Variants in PDGFC observed in about 807,000 individuals in gnomAD.
PDGFC encodes platelet-derived growth factor C.
A neutral mutation model predicts 35.5 loss-of-function variants in PDGFC; 12 were observed. That is an observed-to-expected ratio of 0.34 (90% CI 0.22 to 0.55). PDGFC has a LOEUF of 0.55. Among genes scored for constraint, PDGFC ranks in the 20% least tolerant of loss-of-function variants. The probability of loss-of-function intolerance (pLI) is 0.91; values close to 1 mark genes in which losing one functional copy is unlikely to be tolerated. For synonymous variants in PDGFC, 159 were observed against 148.8 expected (o/e 1.07, Z -0.50); for missense variants, 322 against 412.4 (o/e 0.78, Z 1.90).
intron 4 of PDGFC, among the ~76,000 whole-genome samples, chr4:156,771,861 G>C (rs1363322781): frequency 6.6e-6 from 1 of 152,090 alleles, no homozygotes; most frequent in Non-Finnish European, 1.5e-5. Context: ...CAGATATTTT[G>C]AGTGCATTGT....
chr4:156,855,201 G>T (rs1729544949), intron 1 of PDGFC, among the ~76,000 whole-genome samples: 1 of 151,922 alleles, frequency 6.6e-6, no homozygotes, highest in South Asian at 2.1e-4. Flanking sequence ...ACATACTCTT[G>T]GTTCCTTTAA....
intron 1 of PDGFC, among the ~76,000 whole-genome samples, chr4:156,856,974 C>T (rs1016413133): frequency 1.3e-5 from 2 of 151,806 alleles, no homozygotes; most frequent in Non-Finnish European, 2.9e-5. Flanking sequence ...TGTACCACAC[C>T]TTGGGAATGC....
intron 1 of PDGFC, among the ~76,000 whole-genome samples, chr4:156,858,510 A>G (rs1426238866): frequency 6.6e-6 from 1 of 152,074 alleles, no homozygotes; most frequent in Non-Finnish European, 1.5e-5. Flanking sequence ...CAATACTATA[A>G]GTTTTTTACT....
chr4:156,876,256 C>A (rs965367727), intron 1 of PDGFC, among the ~76,000 whole-genome samples: 3 of 152,060 alleles, frequency 2.0e-5, no homozygotes, highest in Admixed American at 2.0e-4. Flanking sequence ...TCAAGGTTCT[C>A]CTTAAAGAAA....
At chr4:156,872,941 G>A (rs1156686593) in intron 1 of PDGFC, among the ~76,000 whole-genome samples, 1 of 152,076 alleles carries the variant, frequency 6.6e-6, no homozygotes, top group Non-Finnish European at 1.5e-5. Context: ...ACCAGTCTGG[G>A]CAACACAGTG....
At chr4:156,818,738 G>A (rs1475936764) in intron 2 of PDGFC, among the ~76,000 whole-genome samples, 4 of 151,922 alleles carry the variant, frequency 2.6e-5, no homozygotes, top group African/African-American at 7.2e-5. Flanking sequence ...TCCTGACCTC[G>A]TGATCCGCCC....
intron 1 of PDGFC, among the ~76,000 whole-genome samples, chr4:156,942,567 C>T (rs1475215946): frequency 6.6e-6 from 1 of 151,420 alleles, no homozygotes; most frequent in East Asian, 1.9e-4. Flanking sequence ...TTCTTAGTAA[C>T]TTACAGGCTA....
chr4:156,814,056 T>G (rs1196346888), intron 2 of PDGFC, among the ~76,000 whole-genome samples: 1 of 152,118 alleles, frequency 6.6e-6, no homozygotes, highest in Non-Finnish European at 1.5e-5. Flanking sequence ...AGGCTGGGAC[T>G]AAATGAAAAA....
chr4:156,870,569 T>G (rs2111141328), intron 1 of PDGFC, among the ~76,000 whole-genome samples: 1 of 152,266 alleles, frequency 6.6e-6, no homozygotes, highest in Admixed American at 6.5e-5. Flanking sequence ...TGTATTTAAA[T>G]GGATCTTCTC....
intron 1 of PDGFC, among the ~76,000 whole-genome samples, chr4:156,944,935 C>T (rs548487485): frequency 2.0e-5 from 3 of 151,884 alleles, no homozygotes; most frequent in African/African-American, 7.3e-5. Flanking sequence ...AGGGCATTTG[C>T]CTCTCCCCTT....
At chr4:156,845,875 T>C (rs1332004988) in intron 2 of PDGFC, among the ~76,000 whole-genome samples, 1 of 151,840 alleles carries the variant, frequency 6.6e-6, no homozygotes, top group African/African-American at 2.4e-5. Context: ...GAGCCAAAAT[T>C]TGTTTCTTTG....
intron 3 of PDGFC, among the ~76,000 whole-genome samples, chr4:156,807,853 T>C (rs1255096013): frequency 6.6e-6 from 1 of 152,062 alleles, no homozygotes; most frequent in East Asian, 1.9e-4. Flanking sequence ...TGTATAGTAA[T>C]GCATGCAAAA....
At chr4:156,820,647 T>C (rs1732225916) in intron 2 of PDGFC, among the ~76,000 whole-genome samples, 1 of 152,202 alleles carries the variant, frequency 6.6e-6, no homozygotes. Context: ...TGTAATACTT[T>C]ATGACTGAGT....
At chr4:156,901,388 G>A (rs1011234256) in intron 1 of PDGFC, among the ~76,000 whole-genome samples, 1 of 151,988 alleles carries the variant, frequency 6.6e-6, no homozygotes, top group African/African-American at 2.4e-5. Context: ...ATATGAAGAG[G>A]GTAAGTCCAA....
At chr4:156,846,886 CCTT>C (rs891205666) in intron 2 of PDGFC, among the ~76,000 whole-genome samples, 4 of 151,698 alleles carry the variant, frequency 2.6e-5, no homozygotes, top group African/African-American at 9.7e-5. Flanking sequence ...AAAACATAAA[CCTT>C]CATCAACCAT....
chr4:156,821,881 A>G (rs1029290222), intron 2 of PDGFC, among the ~76,000 whole-genome samples: 14 of 152,112 alleles, frequency 9.2e-5, no homozygotes, highest in African/African-American at 2.9e-4. Flanking sequence ...GGTAGATTTG[A>G]CAGAACTTAG....
intron 2 of PDGFC, among the ~76,000 whole-genome samples, chr4:156,825,933 A>G (rs1054739646): frequency 1.3e-5 from 2 of 151,746 alleles, no homozygotes; most frequent in Admixed American, 6.6e-5. Flanking sequence ...CAGTAGCACA[A>G]TCATAGTTCA....
chr4:156,905,359 T>C (rs1730889992), intron 1 of PDGFC, among the ~76,000 whole-genome samples: 1 of 152,114 alleles, frequency 6.6e-6, no homozygotes, highest in South Asian at 2.1e-4. Context: ...AAAAGCCTCA[T>C]AGTGACCATA....
chr4:156,855,959 T>C (rs1729570187), intron 1 of PDGFC, among the ~76,000 whole-genome samples: 1 of 152,124 alleles, frequency 6.6e-6, no homozygotes, highest in African/African-American at 2.4e-5. Context: ...ATACTTGAGG[T>C]CCACAGAGCA....
Sources: gnomAD v4.1 joint callset for allele counts (sites outside exome capture counted in the v4.1 genomes callset) on GRCh38, gnomAD v4.1.1 for gene constraint, MANE v1.5 for transcripts, NCBI Gene and HGNC (gene_info 2026-07-23, HGNC 2026-07-21) for gene names.